RIMOC1: variants seen among roughly 807,000 people sequenced by gnomAD.
RIMOC1 encodes the protein RAB7A interacting MON1-CCZ1 complex subunit 1, also known as RAB7A-interacting MON1-CCZ1 complex subunit 1.
chr5:41,919,052 A>G, the RIMOC1 span: 27 of 150,294 alleles, frequency 1.8e-4, no homozygotes, highest in African/African-American at 6.6e-4. Flanking sequence ...ATTCATAACT[A>G]TGGCTTCTTT....
chr5:41,916,257 C>CA, the RIMOC1 span: 6 of 298,794 alleles, frequency 2.0e-5, no homozygotes, highest in African/African-American at 1.4e-4. Flanking sequence ...TGGTGACTTG[C>CA]CCAAAGACAC....
At chr5:41,909,642 T>G in the RIMOC1 span, 1 of 675,178 alleles carries the variant, frequency 1.5e-6, no homozygotes, top group East Asian at 3.3e-5. Context: ...CTAGAAGATT[T>G]AAATGTGTAA....
At chr5:41,906,307 T>G in the RIMOC1 span, among the ~76,000 whole-genome samples, 2 of 152,228 alleles carry the variant, frequency 1.3e-5, no homozygotes, top group Non-Finnish European at 2.9e-5. Context: ...ATCTTTTGCT[T>G]TGCCAGTCAT....
At chr5:41,912,257 A>G in the RIMOC1 span, 1 of 838,624 alleles carries the variant, frequency 1.2e-6, no homozygotes, top group Non-Finnish European at 1.9e-6. Context: ...GTTAGATTTC[A>G]CTCTGATTTA....
At chr5:41,909,508 G>A in the RIMOC1 span, among the ~76,000 whole-genome samples, 1 of 151,914 alleles carries the variant, frequency 6.6e-6, no homozygotes. Flanking sequence ...TCTTTTTTGA[G>A]GGAAAGAAAG....
At chr5:41,905,610 C>T in the RIMOC1 span, among the ~76,000 whole-genome samples, 3 of 152,166 alleles carry the variant, frequency 2.0e-5, no homozygotes, top group Admixed American at 2.0e-4. Context: ...ACCCTGAAGC[C>T]GACTTATATT....
At chr5:41,908,950 A>G in the RIMOC1 span, among the ~76,000 whole-genome samples, 1 of 152,152 alleles carries the variant, frequency 6.6e-6, no homozygotes, top group South Asian at 2.1e-4. Context: ...ACAGAAAGTA[A>G]AGCACTAACT....
chr5:41,910,965 T>A, the RIMOC1 span: 4 of 1,492,332 alleles, frequency 2.7e-6, no homozygotes, highest in Non-Finnish European at 3.6e-6. Flanking sequence ...ATGTTTTTAA[T>A]CGATGAGTTT....
At chr5:41,918,348 C>G in the RIMOC1 span, 1 of 985,718 alleles carries the variant, frequency 1.0e-6, no homozygotes, top group Non-Finnish European at 1.2e-6. Context: ...CTTTTCTCTC[C>G]TTTATGCTCA....
chr5:41,914,456 C>A, the RIMOC1 span, among the ~76,000 whole-genome samples: 1 of 146,606 alleles, frequency 6.8e-6, no homozygotes, highest in East Asian at 2.1e-4. Context: ...GACTCTGTCT[C>A]AAACAAAACA....
the RIMOC1 span, among the ~76,000 whole-genome samples, chr5:41,907,061 G>A: frequency 1.3e-5 from 2 of 152,106 alleles, no homozygotes; most frequent in South Asian, 4.1e-4. Context: ...TGACATTAGA[G>A]AAAGGGAAAA....
At chr5:41,910,711 A>T in the RIMOC1 span, among the ~76,000 whole-genome samples, 150 of 152,174 alleles carry the variant, frequency 9.9e-4, 2 homozygotes, top group Non-Finnish European at 1.5e-4. Flanking sequence ...AATAGATATG[A>T]TCTCACTTCA....
the RIMOC1 span, among the ~76,000 whole-genome samples, chr5:41,913,548 C>T: frequency 6.6e-6 from 1 of 152,140 alleles, no homozygotes. Context: ...GGTCATATAG[C>T]TGCAAGTAAC....
chr5:41,913,738 GAA>G, the RIMOC1 span, among the ~76,000 whole-genome samples: 1 of 151,678 alleles, frequency 6.6e-6, no homozygotes, highest in Non-Finnish European at 1.5e-5. Context: ...GCATTTCATA[GAA>G]AAAAAATAGT....
At chr5:41,905,204 CAT>C in the RIMOC1 span, among the ~76,000 whole-genome samples, 1 of 152,326 alleles carries the variant, frequency 6.6e-6, no homozygotes. Flanking sequence ...TCATCGGACT[CAT>C]AGGAAAACAG....
the RIMOC1 span, chr5:41,907,815 A>G: frequency 5.0e-6 from 8 of 1,608,076 alleles, no homozygotes; most frequent in South Asian, 1.1e-5. Flanking sequence ...GTTCAAATCC[A>G]TCAAATCTTC....
At chr5:41,916,447 G>C in the RIMOC1 span, 4 of 965,466 alleles carry the variant, frequency 4.1e-6, no homozygotes, top group African/African-American at 5.3e-5. Context: ...CTTTTTTTCT[G>C]GTAATACAAA....
the RIMOC1 span, chr5:41,918,011 T>C: frequency 1.0e-6 from 1 of 985,348 alleles, no homozygotes. Flanking sequence ...AGTTCATATG[T>C]TTTTGTAGCA....
At chr5:41,907,594 G>C in the RIMOC1 span, 1 of 537,594 alleles carries the variant, frequency 1.9e-6, no homozygotes, top group Admixed American at 3.8e-5. Flanking sequence ...TTTTAGATAA[G>C]ATATTATTAC....
Sources: gnomAD v4.1 joint callset for allele counts (sites outside exome capture counted in the v4.1 genomes callset) on GRCh38, gnomAD v4.1.1 for gene constraint, MANE v1.5 for transcripts, NCBI Gene and HGNC (gene_info 2026-07-23, HGNC 2026-07-21) for gene names.